Variants in CD82 observed in about 807,000 individuals in gnomAD.
The protein encoded by CD82 is CD82 molecule.
In CD82, 36 loss-of-function variants were observed where a neutral mutation model predicts 37.4. The ratio of observed to expected loss-of-function variants is 0.96; its 90% CI spans 0.74 to 1.27. The LOEUF is 1.27. Among genes scored for constraint, CD82 ranks in the 50% most tolerant of loss-of-function variants. The pLI is 0.00. For missense variants in CD82, 340 were observed against 347.0 expected (o/e 0.98, Z 0.16); for synonymous variants, 158 against 137.4 (o/e 1.15, Z -1.05).
chr11:44,593,546 C>T (rs34163838), intron 2 of CD82, among the ~76,000 whole-genome samples: 20,444 of 152,262 alleles, frequency 0.13, 1,698 homozygotes, highest in East Asian at 0.29. Context: ...GCCCTCCCCT[C>T]ACCTGGGGTC....
In CD82 at chr11:44,619,501, G is replaced by C. The variant is rs371743094; in HGVS notation, c.*375G>C. On this transcript the variant is annotated 3_prime_UTR_variant, in exon 10 of 10. Transcript: ENST00000227155. ...GAGGGGGCCGGGCGCGGTGGCTCAC[G>C]CCTGTAATCCCAGCACTTTGGGAGG... The C allele has an allele frequency of 3.3e-4, 58 of 175,706 alleles. No individual in the cohort carries two copies. In the East Asian group the frequency reaches 6.6e-3, roughly 20 times the overall value. 10.9% of individuals were successfully genotyped at this position (175,706 alleles called of 1,614,324 possible). A position where few individuals can be genotyped will look rare whatever the true frequency, so the allele number is the denominator to read the frequency against.
chr11:44,593,461 C>T (rs1179350744), intron 2 of CD82, among the ~76,000 whole-genome samples: 1 of 152,234 alleles, frequency 6.6e-6, no homozygotes, highest in Non-Finnish European at 1.5e-5. Context: ...AGGCTGGCGG[C>T]TGGCACTCCT....
At chr11:44,575,387 G>A (rs996892117) in intron 1 of CD82, among the ~76,000 whole-genome samples, 18 of 152,238 alleles carry the variant, frequency 1.2e-4, no homozygotes, top group African/African-American at 4.1e-4. Flanking sequence ...AGGAGGAGGT[G>A]GGAAGATGAG....
At chr11:44,603,628 G>A (rs1402908038) in intron 4 of CD82, among the ~76,000 whole-genome samples, 4 of 152,190 alleles carry the variant, frequency 2.6e-5, no homozygotes, top group East Asian at 3.9e-4. Context: ...TTCTGGAGAC[G>A]CCAGCACCCT....
intron 2 of CD82, among the ~76,000 whole-genome samples, chr11:44,593,208 G>A (rs1430446752): frequency 2.6e-5 from 4 of 152,196 alleles, no homozygotes; most frequent in East Asian, 1.9e-4. Context: ...GTGTGTAGCC[G>A]GGGAAATTGA....
chr11:44,590,719 T>A (rs1283665443), intron 2 of CD82, among the ~76,000 whole-genome samples: 1 of 151,192 alleles, frequency 6.6e-6, no homozygotes, highest in Middle Eastern at 3.2e-3. Context: ...CAACCCTGGT[T>A]CCACACCAAC....
intron 1 of CD82, among the ~76,000 whole-genome samples, chr11:44,582,194 T>TGG (rs5791639): frequency 6.6e-6 from 1 of 152,180 alleles, no homozygotes. Context: ...TCCTGGGGTT[T>TGG]GGGGCTGAAT....
intron 6 of CD82, among the ~76,000 whole-genome samples, chr11:44,608,991 A>G (rs1476207782): frequency 6.6e-6 from 1 of 152,216 alleles, no homozygotes; most frequent in Non-Finnish European, 1.5e-5. Context: ...TATTGCCGCC[A>G]TTATTCACTT....
intron 3 of CD82, among the ~76,000 whole-genome samples, chr11:44,599,791 C>A (rs896081355): frequency 6.6e-6 from 1 of 152,132 alleles, no homozygotes; most frequent in African/African-American, 2.4e-5. Context: ...CAGAGCCTTT[C>A]TTGTTTGGGA....
chr11:44,587,802 C>T (rs1853078829), intron 2 of CD82: 2 of 352,408 alleles, frequency 5.7e-6, no homozygotes. Context: ...TGACACACCC[C>T]CAACCTGCCC....
At chr11:44,570,004 T>G (rs1375286952) in intron 1 of CD82, among the ~76,000 whole-genome samples, 1 of 152,230 alleles carries the variant, frequency 6.6e-6, no homozygotes, top group African/African-American at 2.4e-5. Context: ...TGTTGTTTGC[T>G]GTATCTGGTT....
chr11:44,608,607 G>A (rs1853433854), intron 6 of CD82, among the ~76,000 whole-genome samples: 1 of 152,188 alleles, frequency 6.6e-6, no homozygotes, highest in Non-Finnish European at 1.5e-5. Context: ...TAACAATATA[G>A]GCCCACTGTC....
intron 1 of CD82, among the ~76,000 whole-genome samples, chr11:44,584,759 G>C (rs957612111): frequency 1.3e-5 from 2 of 152,134 alleles, no homozygotes; most frequent in Non-Finnish European, 2.9e-5. Context: ...CAAAAAGCCA[G>C]GCCCTGGTCC....
chr11:44,586,387 A>T (rs1853055130), intron 1 of CD82, among the ~76,000 whole-genome samples: 3 of 152,156 alleles, frequency 2.0e-5, no homozygotes, highest in Non-Finnish European at 4.4e-5. Flanking sequence ...GCATCTTTCT[A>T]GGGAGAGTTC....
chr11:44,607,600 C>G (rs572736507), intron 6 of CD82, among the ~76,000 whole-genome samples: 9 of 152,366 alleles, frequency 5.9e-5, no homozygotes, highest in African/African-American at 2.2e-4. Context: ...TATGGCCCAC[C>G]AGGTTGGCAC....
intron 7 of CD82, among the ~76,000 whole-genome samples, chr11:44,617,295 A>G (rs1853577855): frequency 6.6e-6 from 1 of 152,182 alleles, no homozygotes; most frequent in African/African-American, 2.4e-5. Context: ...AAGGTGGCTC[A>G]CACCTGTAAT....
chr11:44,592,396 G>A lies in CD82; in HGVS notation c.-20-2247G>A, dbSNP rs151076609. 5.2e-4 allele frequency among the ~76,000 whole-genome samples: 79 copies of A among 152,374 alleles called. 2 individuals are homozygous for A. The Middle Eastern group carries it at 0.01, about 20-fold the overall frequency. On this transcript the variant is annotated intron_variant, in intron 2 of 9. Coordinates refer to ENST00000227155, the MANE Select transcript of CD82 (RefSeq NM_002231.4). ...GGGTGGCCTAGCTACTGCTGCTTGGGCGCTGAACCTGGTTGGTCTCTTGGG... is the reference window on the plus strand; with the variant it reads ...GGGTGGCCTAGCTACTGCTGCTTGGACGCTGAACCTGGTTGGTCTCTTGGG...
At chr11:44,569,592 A>G (rs559647997) in intron 1 of CD82, among the ~76,000 whole-genome samples, 3 of 152,182 alleles carry the variant, frequency 2.0e-5, no homozygotes, top group South Asian at 2.1e-4. Flanking sequence ...AAAGTAGGGC[A>G]TGTCTGTGAA....
upstream of CD82, among the ~76,000 whole-genome samples, chr11:44,564,745 T>C (rs935686828): frequency 6.6e-6 from 1 of 152,204 alleles, no homozygotes; most frequent in African/African-American, 2.4e-5. Flanking sequence ...CTGGTTGTTC[T>C]GGGCTACTTC....
Sources: gnomAD v4.1 joint callset for allele counts (sites outside exome capture counted in the v4.1 genomes callset) on GRCh38, gnomAD v4.1.1 for gene constraint, MANE v1.5 for transcripts, NCBI Gene and HGNC (gene_info 2026-07-23, HGNC 2026-07-21) for gene names.